RGS10: variants seen among roughly 807,000 people sequenced by gnomAD.
The protein encoded by RGS10 is regulator of G-protein signalling 10.
In RGS10, 11 loss-of-function variants were observed where a neutral mutation model predicts 23.5. The ratio of observed to expected loss-of-function variants is 0.47; its 90% CI spans 0.29 to 0.77. The LOEUF is 0.77. Ranked by LOEUF, RGS10 falls within the 30% of genes least tolerant of loss-of-function variation. The pLI is 0.08. For synonymous variants in RGS10, 77 were observed against 83.2 expected (o/e 0.92, Z 0.41); for missense variants, 180 against 226.3 (o/e 0.80, Z 1.31).
At chr10:119,541,420 T>C (rs1228996509) in intron 1 of RGS10, among the ~76,000 whole-genome samples, 4 of 152,118 alleles carry the variant, frequency 2.6e-5, no homozygotes, top group Non-Finnish European at 4.4e-5. Flanking sequence ...CAAAACCTGA[T>C]GGATGGAAGA....
chr10:119,507,995 C>G (rs1295919779), intron 4 of RGS10, among the ~76,000 whole-genome samples: 2 of 151,914 alleles, frequency 1.3e-5, no homozygotes, highest in Non-Finnish European at 2.9e-5. Context: ...GCAAACTCTG[C>G]TTGTGTATTT....
Position 119,500,038 on chromosome 10 carries a change from A to G in RGS10, c.*75T>C, listed in dbSNP as rs1843933277. The stretch of plus-strand genomic sequence containing the variant: ...TTTCAGTCCTTACAAATAACAAAGC[A>G]ATGATAAACCCGGCACGGTCCTGAG... On this transcript the variant is annotated 3_prime_UTR_variant, in exon 5 of 5. Transcript: ENST00000369103. The G allele has an allele frequency of 6.8e-7, 1 of 1,479,058 alleles. No individual in the cohort carries two copies. The highest frequency in any genetic ancestry group is 2.1e-5 in the Admixed American group (1 of 47,930). The allele number at this position is 1,479,058 out of a possible 1,614,324, so 91.6% of individuals were successfully genotyped here.
At chr10:119,521,313 G>GTA (rs1844209996) in intron 3 of RGS10, among the ~76,000 whole-genome samples, 1 of 152,118 alleles carries the variant, frequency 6.6e-6, no homozygotes, top group African/African-American at 2.4e-5. Flanking sequence ...GTTCACACCT[G>GTA]TAATCCCAAC....
At position 119,538,023 on chromosome 10, in the gene RGS10, A is replaced by T. The variant is rs980308772; in HGVS notation, c.49+4567T>A. Among the ~76,000 whole-genome samples, 2 of 152,012 alleles carry T rather than the reference A, an allele frequency of 1.3e-5. No individual in the cohort carries two copies. Among genetic ancestry groups the T allele is most frequent in the Non-Finnish European group, 1.5e-5 (1 of 68,014 alleles). On this transcript the variant is annotated intron_variant, in intron 1 of 4. Transcript: ENST00000369103. The surrounding 1 kb of genome is among the most constrained non-coding windows in gnomAD (Gnocchi z 4.5). Reference sequence around the variant, plus strand: ...CTTTACCTGAGATTATATCTTTCCTACTATTGGGGGTGTTAAAATGTCCTT... The same window carrying T: ...CTTTACCTGAGATTATATCTTTCCTTCTATTGGGGGTGTTAAAATGTCCTT...
rs1381536732 is a variant in RGS10 at position 119,500,124 on chromosome 10, A to T, written c.535T>A (p.Tyr179Asn). Residue 179 changes from tyrosine (Y) to asparagine (N), a missense_variant, in exon 5 of 5, where the codon TAT becomes AAT. Transcript: ENST00000369103. ...GGCTTTTTGGGGGCTCATGTGTTATAAATTCTGGAAGCTCTTTTAGCTGCA... is the reference window on the plus strand; with the variant it reads ...GGCTTTTTGGGGGCTCATGTGTTATTAATTCTGGAAGCTCTTTTAGCTGCA... ...QTAAKRASRIYNT is the reference protein window; with the variant it reads ...QTAAKRASRINNT 1 of 1,613,650 alleles carries T rather than the reference A, an allele frequency of 6.2e-7. No individual in the cohort carries two copies. The highest frequency in any genetic ancestry group is 8.5e-7 in the Non-Finnish European group (1 of 1,179,918).
intron 4 of RGS10, among the ~76,000 whole-genome samples, chr10:119,505,483 G>A (rs1434820316): frequency 6.6e-6 from 1 of 151,996 alleles, no homozygotes; most frequent in Admixed American, 6.6e-5. Flanking sequence ...GTGAGACTCG[G>A]ACAAAAATGA....
At chr10:119,509,690 C>T (rs2133947292) in intron 4 of RGS10, among the ~76,000 whole-genome samples, 1 of 152,270 alleles carries the variant, frequency 6.6e-6, no homozygotes, top group African/African-American at 2.4e-5. Context: ...GACTTTTTAA[C>T]ACCAGGGCAT....
Position 119,524,035 on chromosome 10 carries a change from C to A in RGS10, c.255+1997G>T, listed in dbSNP as rs1589839436. On this transcript the variant is annotated intron_variant, in intron 3 of 4. Transcript: ENST00000369103. The surrounding 1 kb of genome is among the most constrained non-coding windows in gnomAD (Gnocchi z 5.2). ...ACACACTGTCCCTGCTCCCGGGAAC[C>A]CCCTCCCAATCTCAATGCCAAGTCT... Among the ~76,000 whole-genome samples, 1 of 152,288 alleles carries A rather than the reference C, an allele frequency of 6.6e-6. No homozygotes were observed. Among genetic ancestry groups the A allele is most frequent in the East Asian group, 1.9e-4 (1 of 5,178 alleles).
intron 3 of RGS10, 93 bp from the exon 4 acceptor site, chr10:119,515,745 G>T (rs1345821203): frequency 3.4e-6 from 5 of 1,489,280 alleles, no homozygotes; most frequent in Non-Finnish European, 4.5e-6. Flanking sequence ...CACAGGAGCT[G>T]CTGTGGCAAG....
chr10:119,519,865 C>T (rs1250499515), intron 3 of RGS10, among the ~76,000 whole-genome samples: 3 of 152,348 alleles, frequency 2.0e-5, no homozygotes, highest in African/African-American at 7.2e-5. Flanking sequence ...AACTCTAACT[C>T]CATGTCCCCC....
At chr10:119,506,349 GCT>G (rs1844012154) in intron 4 of RGS10, among the ~76,000 whole-genome samples, 1 of 152,238 alleles carries the variant, frequency 6.6e-6, no homozygotes, top group Non-Finnish European at 1.5e-5. Flanking sequence ...CACACAGAAG[GCT>G]CTGTCGCCTT....
chr10:119,504,956 C>T (rs539998924), intron 4 of RGS10, among the ~76,000 whole-genome samples: 1 of 152,314 alleles, frequency 6.6e-6, no homozygotes, highest in South Asian at 2.1e-4. Flanking sequence ...AGCCACTTGA[C>T]TTGGGGTCAT....
chr10:119,500,814 G>A (rs1341709728), intron 4 of RGS10, among the ~76,000 whole-genome samples: 3 of 151,660 alleles, frequency 2.0e-5, no homozygotes, highest in African/African-American at 7.3e-5. Flanking sequence ...CTTAGCAAGG[G>A]AACAGGTCCC....
Position 119,524,029 on chromosome 10 carries a change from G to A in RGS10, c.255+2003C>T, listed in dbSNP as rs1301344185. Among the ~76,000 whole-genome samples the A allele has an allele frequency of 3.3e-5, 5 of 152,132 alleles. No individual in the cohort carries two copies. The highest frequency in any genetic ancestry group is 2.1e-4 in the South Asian group (1 of 4,818). On this transcript the variant is annotated intron_variant, in intron 3 of 4. Coordinates refer to ENST00000369103, the MANE Select transcript of RGS10 (RefSeq NM_001005339.2). The surrounding 1 kb of genome is among the most constrained non-coding windows in gnomAD (Gnocchi z 5.2). ...CTGCCCACACACTGTCCCTGCTCCC[G>A]GGAACCCCCTCCCAATCTCAATGCC...
chr10:119,517,974 G>A lies in RGS10; in HGVS notation c.256-2322C>T, dbSNP rs925772649. Among the ~76,000 whole-genome samples the A allele has an allele frequency of 5.9e-5, 9 of 152,208 alleles. No homozygotes were observed. The highest frequency in any genetic ancestry group is 8.8e-5 in the Non-Finnish European group (6 of 68,036). The stretch of plus-strand genomic sequence containing the variant: ...GCTGCAGGGCTCAGCTTATCTCGGC[G>A]GAGCTAGGAAGTATGACTGAAAAGG... On this transcript the variant is annotated intron_variant, in intron 3 of 4. Coordinates refer to ENST00000369103, the MANE Select transcript of RGS10 (RefSeq NM_001005339.2). This position sits in a 1 kb window ranked among gnomAD's most constrained non-coding sequence, Gnocchi z 5.0.
At chr10:119,512,340 T>G (rs891074200) in intron 4 of RGS10, among the ~76,000 whole-genome samples, 61 of 152,242 alleles carry the variant, frequency 4.0e-4, no homozygotes, top group African/African-American at 1.4e-3. Context: ...AGGGAGCCTT[T>G]GCAAGAAAAA....
intron 1 of RGS10, chr10:119,536,449 G>C (rs947980835): frequency 6.2e-7 from 1 of 1,612,300 alleles, no homozygotes; most frequent in African/African-American, 1.3e-5. Flanking sequence ...GAAAGGGGTG[G>C]GGGCGATTCC....
At chr10:119,535,848 C>T (rs896283011) in intron 1 of RGS10, among the ~76,000 whole-genome samples, 1 of 152,254 alleles carries the variant, frequency 6.6e-6, no homozygotes, top group Non-Finnish European at 1.5e-5. Context: ...TGCACACACA[C>T]ACTGTACTCC....
At chr10:119,536,451 G>C (rs1448808016) in intron 1 of RGS10, 1 of 1,612,644 alleles carries the variant, frequency 6.2e-7, no homozygotes, top group South Asian at 1.1e-5. Context: ...AAGGGGTGGG[G>C]GCGATTCCTT....
Sources: gnomAD v4.1 joint callset for allele counts (sites outside exome capture counted in the v4.1 genomes callset) on GRCh38, gnomAD v4.1.1 for gene constraint, Gnocchi (gnomAD v3.1) non-coding constraint, MANE v1.5 for transcripts, NCBI Gene and HGNC (gene_info 2026-07-23, HGNC 2026-07-21) for gene names.